Variants in NDUFAF6 observed in about 807,000 individuals in gnomAD.
NDUFAF6 encodes NADH:ubiquinone oxidoreductase complex assembly factor 6.
A neutral mutation model predicts 40.8 loss-of-function variants in NDUFAF6; 45 were observed. The observed-to-expected ratio is 1.10, with a 90% CI of 0.87 to 1.42. The LOEUF is 1.42. Among genes scored for constraint, NDUFAF6 ranks in the 40% most tolerant of loss-of-function variants. The probability of loss-of-function intolerance (pLI) is 0.00; values close to 1 mark genes in which losing one functional copy is unlikely to be tolerated. For synonymous variants in NDUFAF6, 185 were observed against 155.9 expected (o/e 1.19, Z -1.39); for missense variants, 435 against 418.5 (o/e 1.04, Z -0.34).
At chr8:95,037,193 G>A (rs1246293900) in intron 3 of NDUFAF6, among the ~76,000 whole-genome samples, 1 of 152,120 alleles carries the variant, frequency 6.6e-6, no homozygotes, top group Non-Finnish European at 1.5e-5. Flanking sequence ...TATAACCAAG[G>A]TCTTTCTTCT....
chr8:95,054,799 G>A (rs1831919766), intron 8 of NDUFAF6, among the ~76,000 whole-genome samples: 1 of 152,196 alleles, frequency 6.6e-6, no homozygotes, highest in Non-Finnish European at 1.5e-5. Context: ...TTCCTGAGGT[G>A]CTGCTTCTGT....
chr8:94,933,832 T>TGG (rs753070672), intron 1 of NDUFAF6, among the ~76,000 whole-genome samples: 1 of 23,494 alleles, frequency 4.3e-5, no homozygotes, highest in Non-Finnish European at 1.4e-4. Context: ...CCCAGCACTT[T>TGG]GTGGGGGGGG....
rs1818755031 is a variant in NDUFAF6 at position 94,911,173 on chromosome 8, T to C, written c.-936+15246T>C. 3.3e-5 allele frequency among the ~76,000 whole-genome samples: 5 copies of C among 152,222 alleles called. No homozygotes were observed. The South Asian group carries it at 1.0e-3, about 31-fold the overall frequency. The stretch of plus-strand genomic sequence containing the variant: ...ATATTAACACGTCTGTATTTGACTT[T>C]TACAGCAAGCATGTATTGATATTGT... On this transcript the variant is annotated intron_variant, in intron 1 of 14. Coordinates refer to the NDUFAF6 transcript ENST00000396113.
chr8:94,899,558 A>G (rs535055435), intron 1 of NDUFAF6, among the ~76,000 whole-genome samples: 2 of 152,324 alleles, frequency 1.3e-5, no homozygotes, highest in Admixed American at 1.3e-4. Context: ...TGGTTTATAA[A>G]TGAGGAAGCT....
At chr8:95,030,283 T>C (rs1333199441) in intron 1 of NDUFAF6, among the ~76,000 whole-genome samples, 1 of 152,136 alleles carries the variant, frequency 6.6e-6, no homozygotes, top group Admixed American at 6.6e-5. Flanking sequence ...TAGAGTGCAG[T>C]GGCATGATCA....
intron 2 of NDUFAF6, among the ~76,000 whole-genome samples, chr8:94,983,342 G>C (rs552090887): frequency 7.6e-6 from 1 of 131,576 alleles, no homozygotes; most frequent in African/African-American, 2.9e-5. Context: ...TTGGCTCACC[G>C]CAATCTCTGC....
intron 9 of NDUFAF6, chr8:95,072,605 A>G (rs1832904871): frequency 6.6e-6 from 1 of 152,284 alleles, no homozygotes; most frequent in Non-Finnish European, 1.5e-5. Context: ...TGGTATGTTC[A>G]GCCTTTTTCT....
chr8:95,071,128 A>C (rs367692685), intron 9 of NDUFAF6, among the ~76,000 whole-genome samples: 93 of 152,090 alleles, frequency 6.1e-4, no homozygotes, highest in Middle Eastern at 3.4e-3. Flanking sequence ...CGGTGGCTCA[A>C]GCCTGTAATC....
At chr8:95,045,848 A>T (rs1364231312) in intron 5 of NDUFAF6, among the ~76,000 whole-genome samples, 1 of 152,036 alleles carries the variant, frequency 6.6e-6, no homozygotes, top group East Asian at 1.9e-4. Flanking sequence ...GTAATCCAAG[A>T]CTCAGGCTCT....
intron 1 of NDUFAF6, among the ~76,000 whole-genome samples, chr8:94,935,738 T>C (rs1820917243): frequency 1.3e-5 from 2 of 152,154 alleles, no homozygotes; most frequent in African/African-American, 2.4e-5. Context: ...TACAATTAGA[T>C]TGGAGAACAT....
intron 2 of NDUFAF6, among the ~76,000 whole-genome samples, chr8:94,947,079 G>GCTGAGGAATTAACTAA (rs1660007406): frequency 6.6e-6 from 1 of 152,172 alleles, no homozygotes; most frequent in African/African-American, 2.4e-5. Context: ...GGAAACCGAG[G>GCTGAGGAATTAACTAA]CTGAGGAATT....
chr8:95,113,509 G>A (rs1020371134), intron 4 of NDUFAF6, among the ~76,000 whole-genome samples: 1 of 152,194 alleles, frequency 6.6e-6, no homozygotes, highest in East Asian at 1.9e-4. Flanking sequence ...GTCAGGAATT[G>A]TATCCAGGTT....
At chr8:94,902,657 C>G (rs138508677) in intron 1 of NDUFAF6, among the ~76,000 whole-genome samples, 229 of 145,598 alleles carry the variant, frequency 1.6e-3, no homozygotes, top group African/African-American at 5.5e-3. Flanking sequence ...CCTGAACATT[C>G]TTGTATGTCC....
chr8:95,041,581 A>G lies in NDUFAF6; in HGVS notation c.432A>G (p.Arg144=), dbSNP rs1191338860. ...TCTTTGTTTTTTAGGCTGTTAAAAG[A>G]CATAATCTGACTAAAAGATGGCTTA... ...VAIELWKAVK[R]HNLTKRWLMK... Residue 144 remains arginine, a synonymous_variant, in exon 4 of 9, where the codon AGA becomes AGG. Coordinates refer to ENST00000396124, the MANE Select transcript of NDUFAF6 (RefSeq NM_152416.4). 1.9e-6 allele frequency: 3 copies of G among 1,609,980 alleles called. No homozygotes were observed. The highest frequency in any genetic ancestry group is 2.5e-6 in the Non-Finnish European group (3 of 1,176,492).
At chr8:94,962,608 TG>T (rs1454818825) in intron 1 of NDUFAF6, among the ~76,000 whole-genome samples, 273 of 40,950 alleles carry the variant, frequency 6.7e-3, no homozygotes, top group Middle Eastern at 0.03. Context: ...TTCTGTTTTT[TG>T]TTTTTTGTTT....
At chr8:95,028,185 G>C (rs1012348414) in intron 1 of NDUFAF6, among the ~76,000 whole-genome samples, 2 of 152,226 alleles carry the variant, frequency 1.3e-5, no homozygotes, top group Non-Finnish European at 2.9e-5. Context: ...CTCAATCGAA[G>C]TCAGTACCCA....
At chr8:94,955,338 C>CA (rs1323635314), upstream of NDUFAF6, among the ~76,000 whole-genome samples, 3 of 152,234 alleles carry the variant, frequency 2.0e-5, no homozygotes, top group African/African-American at 7.2e-5. Flanking sequence ...CGTGCACACA[C>CA]ATGAGAGGAA....
chr8:95,014,756 T>A (rs1827370078), intron 2 of NDUFAF6, among the ~76,000 whole-genome samples: 1 of 152,200 alleles, frequency 6.6e-6, no homozygotes, highest in African/African-American at 2.4e-5. Flanking sequence ...AGCTAGGATT[T>A]GGGGATCAAC....
intron 2 of NDUFAF6, chr8:94,950,494 A>G (rs1220649648): frequency 6.6e-6 from 1 of 152,292 alleles, no homozygotes; most frequent in Non-Finnish European, 1.5e-5. Flanking sequence ...AAAGACACTC[A>G]CATTCTGACC....
Sources: gnomAD v4.1 joint callset for allele counts (sites outside exome capture counted in the v4.1 genomes callset) on GRCh38, gnomAD v4.1.1 for gene constraint, MANE v1.5 for transcripts, NCBI Gene and HGNC (gene_info 2026-07-23, HGNC 2026-07-21) for gene names.